PYGO1: variants seen among roughly 807,000 people sequenced by gnomAD.
PYGO1 encodes the protein pygopus homolog 1.
PYGO1 carries 6 observed loss-of-function variants against 29.5 expected under a neutral mutation model. That is an observed-to-expected ratio of 0.20 (90% CI 0.11 to 0.40). PYGO1 has a LOEUF of 0.40. PYGO1 is among the 10% of genes least tolerant of loss of function. The pLI, the probability that PYGO1 is intolerant of heterozygous loss-of-function variation, is 1.00. For synonymous variants in PYGO1, 186 were observed against 180.5 expected, an observed-to-expected ratio of 1.03 and a Z score of -0.24; for missense variants, 515 against 514.9, an observed-to-expected ratio of 1.00 and a Z score of 0.00.
At chr15:55,572,092 C>A (rs1243293935) in intron 1 of PYGO1, among the ~76,000 whole-genome samples, 1 of 152,078 alleles carries the variant, frequency 6.6e-6, no homozygotes, top group Non-Finnish European at 1.5e-5. Flanking sequence ...TCATATGGAA[C>A]CACTAAAGAT....
chr15:55,587,929 T>A lies in PYGO1; in HGVS notation c.-46A>T. On this transcript the variant is annotated 5_prime_UTR_variant, in exon 1 of 3. Coordinates refer to ENST00000563719, the MANE Select transcript of PYGO1 (RefSeq NM_001367806.1). ...TCCCCCCCAGGCCGCGGGAATTCGG[T>A]CTCTTTGATGCTGCGGCGGCGGCTC... is the stretch of plus-strand genomic sequence containing the variant. 1.4e-6 allele frequency: 2 copies of A among 1,462,308 alleles called. No individual in the cohort carries two copies. Among genetic ancestry groups the A allele is most frequent in the Non-Finnish European group, 1.8e-6 (2 of 1,105,382 alleles). The allele number at this position is 1,462,308 out of a possible 1,614,324, so 90.6% of individuals were successfully genotyped here. A position where few individuals can be genotyped will look rare whatever the true frequency, so the allele number is the denominator to read the frequency against.
chr15:55,548,413 CA>C (rs112750304), intron 2 of PYGO1, among the ~76,000 whole-genome samples: 2 of 147,776 alleles, frequency 1.4e-5, no homozygotes, highest in African/African-American at 2.5e-5. Context: ...CAGACTTAAA[CA>C]AAAAAAAATA....
At chr15:55,573,551 C>T (rs1282740364) in intron 1 of PYGO1, among the ~76,000 whole-genome samples, 1 of 152,180 alleles carries the variant, frequency 6.6e-6, no homozygotes, top group African/African-American at 2.4e-5. Flanking sequence ...ATGTTTGTTA[C>T]ATTATTCACA....
intron 1 of PYGO1, among the ~76,000 whole-genome samples, chr15:55,554,014 C>T (rs753450131): frequency 1.3e-5 from 2 of 152,122 alleles, no homozygotes; most frequent in Admixed American, 6.6e-5. Context: ...AAAGACCCCA[C>T]AAAAACCCCA....
intron 1 of PYGO1, among the ~76,000 whole-genome samples, chr15:55,551,180 G>C (rs1595982117): frequency 1.3e-5 from 2 of 152,258 alleles, no homozygotes; most frequent in East Asian, 3.9e-4. Flanking sequence ...CCAGGGGTTG[G>C]GGATCCCTGG....
intron 1 of PYGO1, among the ~76,000 whole-genome samples, chr15:55,568,766 C>T (rs1487492250): frequency 6.6e-6 from 1 of 151,920 alleles, no homozygotes; most frequent in African/African-American, 2.4e-5. Flanking sequence ...TATGTTCGTT[C>T]GATGCCTAGT....
intron 1 of PYGO1, among the ~76,000 whole-genome samples, chr15:55,570,636 A>T (rs2058976474): frequency 6.6e-6 from 1 of 152,046 alleles, no homozygotes; most frequent in Admixed American, 6.5e-5. Flanking sequence ...TTTTACATTT[A>T]TAAAAATGTG....
chr15:55,587,432 A>G (rs1272673214), intron 1 of PYGO1, among the ~76,000 whole-genome samples: 2 of 151,796 alleles, frequency 1.3e-5, no homozygotes, highest in Admixed American at 6.6e-5. Flanking sequence ...CTTCTTCAAC[A>G]GCATCAACTC....
intron 1 of PYGO1, among the ~76,000 whole-genome samples, chr15:55,550,910 G>T (rs978926135): frequency 2.6e-5 from 4 of 152,180 alleles, no homozygotes; most frequent in Non-Finnish European, 5.9e-5. Flanking sequence ...CAGTGGTGGG[G>T]GATGGGAGGT....
At chr15:55,548,515 G>A (rs547839543) in intron 2 of PYGO1, among the ~76,000 whole-genome samples, 1 of 151,632 alleles carries the variant, frequency 6.6e-6, no homozygotes, top group African/African-American at 2.4e-5. Flanking sequence ...AGACCATCCT[G>A]ATCAACATGG....
intron 1 of PYGO1, among the ~76,000 whole-genome samples, chr15:55,585,183 A>T (rs1326313457): frequency 6.6e-6 from 1 of 152,234 alleles, no homozygotes; most frequent in East Asian, 1.9e-4. Flanking sequence ...TGTGTTAATA[A>T]TTCATTTAAA....
upstream of PYGO1, chr15:55,588,723 A>G: frequency 1.4e-6 from 2 of 1,472,698 alleles, no homozygotes; most frequent in South Asian, 2.3e-5. Flanking sequence ...TTCGCAAGGA[A>G]AGGGCATCTC....
rs919175757 is a variant in PYGO1, at chr15:55,540,069, C to T, written c.*5954G>A. 4.6e-5 allele frequency: 7 copies of T among 151,960 alleles called. No homozygotes were observed. The highest frequency in any genetic ancestry group is 1.4e-4 in the African/African-American group (6 of 41,428). 9.4% of individuals were successfully genotyped at this position (151,960 alleles called of 1,614,324 possible). A position where few individuals can be genotyped will look rare whatever the true frequency, so the allele number is the denominator to read the frequency against. ...TTGTCTTAATGACAAAATAAGAATG[C>T]TTTTAAATTACTATTCTTAAGTAAA... On this transcript the variant is annotated 3_prime_UTR_variant, in exon 3 of 3. Transcript: ENST00000563719.
At chr15:55,557,756 C>T (rs186556540) in intron 1 of PYGO1, among the ~76,000 whole-genome samples, 3 of 152,262 alleles carry the variant, frequency 2.0e-5, no homozygotes, top group African/African-American at 7.2e-5. Flanking sequence ...ATGATTATCT[C>T]AATAGATGCC....
At chr15:55,586,759 G>A (rs1406254945) in intron 1 of PYGO1, among the ~76,000 whole-genome samples, 1 of 152,140 alleles carries the variant, frequency 6.6e-6, no homozygotes, top group African/African-American at 2.4e-5. Context: ...TTAGGTCTTT[G>A]CTCAAACATT....
At chr15:55,553,399 CT>C (rs199785590) in intron 1 of PYGO1, among the ~76,000 whole-genome samples, 13,424 of 142,974 alleles carry the variant, frequency 0.094, 1,021 homozygotes, top group East Asian at 0.37. Flanking sequence ...AGACTGCTTC[CT>C]TTTTTTTTTT....
At chr15:55,566,533 G>A (rs995824050) in intron 1 of PYGO1, among the ~76,000 whole-genome samples, 4 of 152,190 alleles carry the variant, frequency 2.6e-5, no homozygotes, top group African/African-American at 7.2e-5. Context: ...GTGGTGCCAT[G>A]TACATGTGAT....
chr15:55,541,761 G>A lies in PYGO1; in HGVS notation c.*4262C>T, dbSNP rs1474414932. ...TCACCAGAGTTTAGCATGGTAAGGG[G>A]GCAAATGCAAAGAAACCCACACCAA... On this transcript the variant is annotated 3_prime_UTR_variant, in exon 3 of 3. Coordinates refer to ENST00000563719, the MANE Select transcript of PYGO1 (RefSeq NM_001367806.1). The A allele has an allele frequency of 6.6e-6, 1 of 152,144 alleles. No homozygotes were observed. Among genetic ancestry groups the A allele is most frequent in the Non-Finnish European group, 1.5e-5 (1 of 68,076 alleles). The allele number at this position is 152,144 out of a possible 1,614,324, so 9.4% of individuals were successfully genotyped here.
chr15:55,575,382 T>C (rs1214680102), intron 1 of PYGO1, among the ~76,000 whole-genome samples: 1 of 152,310 alleles, frequency 6.6e-6, no homozygotes, highest in South Asian at 2.1e-4. Context: ...CTACACTACT[T>C]TGCTTTTTAA....
Sources: gnomAD v4.1 joint callset for allele counts (sites outside exome capture counted in the v4.1 genomes callset) on GRCh38, gnomAD v4.1.1 for gene constraint, MANE v1.5 for transcripts, NCBI Gene and HGNC (gene_info 2026-07-23, HGNC 2026-07-21) for gene names.